Variants in CSN1S1 observed in about 807,000 individuals in gnomAD.
CSN1S1 encodes alpha-S1-casein.
A neutral mutation model predicts 49.1 loss-of-function variants in CSN1S1; 63 were observed. The observed-to-expected ratio is 1.28, with a 90% confidence interval of 1.05 to 1.58. The LOEUF is 1.58. Among genes scored for constraint, CSN1S1 ranks in the 40% most tolerant of loss-of-function variants. The pLI is 0.00. For missense variants in CSN1S1, 260 were observed against 224.7 expected, an observed-to-expected ratio of 1.16 and a Z score of -1.01; for synonymous variants, 78 against 67.1, an observed-to-expected ratio of 1.16 and a Z score of -0.79.
At chr4:69,934,277 C>T (rs1257001296) in intron 3 of CSN1S1, 33 bp downstream of exon 3, 2 of 1,601,210 alleles carry the variant, frequency 1.2e-6, no homozygotes, top group Non-Finnish European at 1.7e-6. Flanking sequence ...CAAGAACTCA[C>T]TCTAATTGTG....
intron 14 of CSN1S1, among the ~76,000 whole-genome samples, chr4:69,944,384 A>ATTTT (rs1185126886): frequency 6.6e-6 from 1 of 151,740 alleles, no homozygotes. Context: ...AAGAATTATT[A>ATTTT]TTTTTTTCTG....
chr4:69,941,673 G>A (rs1182907839), intron 12 of CSN1S1, among the ~76,000 whole-genome samples: 1 of 151,900 alleles, frequency 6.6e-6, no homozygotes, highest in Non-Finnish European at 1.5e-5. Context: ...GTTATCAATA[G>A]AGGAAGATGA....
intron 4 of CSN1S1, 103 bp from the exon 5 acceptor site, chr4:69,935,823 G>A (rs1042190192): frequency 1.3e-6 from 1 of 765,218 alleles, no homozygotes; most frequent in Non-Finnish European, 2.2e-6. Context: ...TGACTTAATT[G>A]TTGAATAGAA....
At position 69,946,474 on chromosome 4, in the gene CSN1S1, C is replaced by T. The variant is rs1278816695; in HGVS notation, c.*278C>T. 5.1e-6 allele frequency: 1 copy of T among 194,760 alleles called. No individual in the cohort carries two copies. Among genetic ancestry groups the T allele is most frequent in the African/African-American group, 2.3e-5 (1 of 43,272 alleles). The allele number at this position is 194,760 out of a possible 1,614,324, so 12.1% of individuals were successfully genotyped here. A position where few individuals can be genotyped will look rare whatever the true frequency, so the allele number is the denominator to read the frequency against. On this transcript the variant is annotated 3_prime_UTR_variant, in exon 16 of 16. Transcript: ENST00000246891. ...CTAGTGGACATTTTGTTTAAAAAGT[C>T]TTTGAATTGCCAGTTCTGTAAGTGC... is the stretch of plus-strand genomic sequence containing the variant.
At chr4:69,937,288 T>C (rs1578133794) in intron 8 of CSN1S1, 144 bp downstream of exon 8, 1 of 612,720 alleles carries the variant, frequency 1.6e-6, no homozygotes, top group Non-Finnish European at 2.8e-6. Flanking sequence ...TATCATACAT[T>C]GGCCAGAATA....
rs1722726284 is a variant in CSN1S1 at position 69,935,055 on chromosome 4, C to T, written c.105+345C>T. ...TGTTGGTTTACCGAATTAAATGGAG[C>T]ATTTGTGTTCAAATGAGAATAATGT... On this transcript the variant is annotated intron_variant, in intron 4 of 15. Coordinates refer to ENST00000246891, the MANE Select transcript of CSN1S1 (RefSeq NM_001890.2). Among the ~76,000 whole-genome samples the T allele has an allele frequency of 3.9e-5, 6 of 152,086 alleles. No homozygotes were observed. The South Asian group carries it at 1.0e-3, about 26-fold the overall frequency.
chr4:69,945,074 T>C, intron 15 of CSN1S1, 70 bp downstream of exon 15: 1 of 1,517,086 alleles, frequency 6.6e-7, no homozygotes, highest in Non-Finnish European at 9.1e-7. Context: ...TTGGAGAGGA[T>C]ACCATAAGAA....
At chr4:69,936,065 G>A (rs1722770246) in intron 5 of CSN1S1, 116 bp downstream of exon 5, 1 of 816,112 alleles carries the variant, frequency 1.2e-6, no homozygotes, top group African/African-American at 1.8e-5. Flanking sequence ...ACAAATTTGA[G>A]TGGAACAAAC....
At chr4:69,931,583 G>C (rs991738750) in intron 1 of CSN1S1, among the ~76,000 whole-genome samples, 37 of 151,912 alleles carry the variant, frequency 2.4e-4, no homozygotes, top group African/African-American at 8.2e-4. Context: ...TAGATAATTA[G>C]CTATTGATGG....
rs370575111 is a variant in CSN1S1 at position 69,939,179 on chromosome 4, A to G, written c.247A>G (p.Met83Val). The G allele has an allele frequency of 1.3e-6, 2 of 1,599,868 alleles. No individual in the cohort carries two copies. The highest frequency in any genetic ancestry group is 2.7e-5 in the African/African-American group (2 of 74,456). ...QNCVVAEPEK[M>V]ESSISSSSEE... is the part of the protein sequence containing the mutation. ...ACACTAGATTTCTTTCTTTTAGAAG[A>G]TGGAATCCAGCATCAGTTCATCGAG... The change falls in exon 10 of 16, where the codon ATG (methionine) becomes GTG (valine). Residue 83 changes from methionine (M) to valine (V), a missense_variant. Physicochemically the swap from Met to Val is conservative, Grantham distance 21. Transcript: ENST00000246891.
chr4:69,941,493 C>G (rs1308664766), intron 12 of CSN1S1, among the ~76,000 whole-genome samples: 3 of 151,906 alleles, frequency 2.0e-5, no homozygotes, highest in Admixed American at 6.6e-5. Context: ...TCTGTCAAAA[C>G]TCACATAATC....
In CSN1S1 at chr4:69,936,063, G is replaced by A. The variant is rs913474004; in HGVS notation, c.129+114G>A. 4 of 821,864 alleles carry A rather than the reference G, an allele frequency of 4.9e-6. No individual in the cohort carries two copies. In the African/African-American group the frequency reaches 7.1e-5, roughly 15 times the overall value. The allele number at this position is 821,864 out of a possible 1,614,324, so 50.9% of individuals were successfully genotyped here. ...AGTGAAAGTCAAGGATAACAAATTT[G>A]AGTGGAACAAACTTAAAAATATTGT... On this transcript the variant is annotated intron_variant, in intron 5 of 15. Coordinates refer to ENST00000246891, the MANE Select transcript of CSN1S1 (RefSeq NM_001890.2).
At chr4:69,942,168 T>TG in intron 13 of CSN1S1, 105 bp downstream of exon 13, 8 of 689,512 alleles carry the variant, frequency 1.2e-5, no homozygotes, top group Non-Finnish European at 1.4e-5. Context: ...GAGAGAGTGT[T>TG]CTACCAACAC....
intron 8 of CSN1S1, among the ~76,000 whole-genome samples, chr4:69,937,565 C>T (rs1313359615): frequency 6.6e-6 from 1 of 151,454 alleles, no homozygotes; most frequent in Non-Finnish European, 1.5e-5. Context: ...AAAATGTAAA[C>T]TTGTTTTCAC....
At chr4:69,944,796 C>A in intron 14 of CSN1S1, 54 bp from the exon 15 acceptor site, 2 of 1,561,204 alleles carry the variant, frequency 1.3e-6, no homozygotes, top group South Asian at 1.2e-5. Context: ...TTTTCAGGGA[C>A]TGAAAAAAGC....
rs375946128 is a variant in CSN1S1, at chr4:69,934,206, T to C, written c.52-6T>C. On this transcript the variant is annotated splice_region_variant and splice_polypyrimidine_tract_variant and intron_variant, in intron 2 of 15. Transcript: ENST00000246891. ...TGTTTTACAATTCTTGCATTGTTTT[T>C]CACAGAAACTTCCTCTTAGATACCC... is the stretch of plus-strand genomic sequence containing the variant. 4 of 1,608,404 alleles carry C rather than the reference T, an allele frequency of 2.5e-6. No homozygotes were observed. The highest frequency in any genetic ancestry group is 3.4e-6 in the Non-Finnish European group (4 of 1,175,944).
At chr4:69,936,420 A>G (rs749543180) in intron 5 of CSN1S1, 36 bp from the exon 6 acceptor site, 1 of 1,457,092 alleles carries the variant, frequency 6.9e-7, no homozygotes, top group Non-Finnish European at 9.6e-7. Flanking sequence ...GTCTTGTTTC[A>G]CTAATATTGT....
At chr4:69,942,735 A>T (rs1311073390) in intron 14 of CSN1S1, among the ~76,000 whole-genome samples, 158 bp downstream of exon 14, 1 of 151,916 alleles carries the variant, frequency 6.6e-6, no homozygotes, top group African/African-American at 2.4e-5. Context: ...TAAGCATATG[A>T]CCTTGAGCAC....
At chr4:69,941,091 A>G in intron 12 of CSN1S1, 31 bp downstream of exon 12, 1 of 1,068,008 alleles carries the variant, frequency 9.4e-7, no homozygotes, top group Non-Finnish European at 1.4e-6. Flanking sequence ...ATACAAAATC[A>G]TATTCTACTA....
Sources: gnomAD v4.1 joint callset for allele counts (sites outside exome capture counted in the v4.1 genomes callset) on GRCh38, gnomAD v4.1.1 for gene constraint, MANE v1.5 for transcripts, NCBI Gene and HGNC (gene_info 2026-07-23, HGNC 2026-07-21) for gene names.